Variants in MGA observed in about 807,000 individuals in gnomAD.
The protein encoded by MGA is MAX dimerization protein MGA.
A neutral mutation model predicts 261.1 loss-of-function variants in MGA; 40 were observed. The ratio of observed to expected loss-of-function variants is 0.15; its 90% CI spans 0.12 to 0.20. The LOEUF (loss-of-function observed/expected upper bound fraction) is 0.20. Among genes scored for constraint, MGA ranks in the 10% least tolerant of loss-of-function variants. The pLI, the probability that MGA is intolerant of heterozygous loss-of-function variation, is 1.00. For synonymous variants in MGA, 1,302 were observed against 1,290.6 expected (o/e 1.01, Z -0.19); for missense variants, 3,397 against 3,630.5 (o/e 0.94, Z 1.65).
intron 2 of MGA, among the ~76,000 whole-genome samples, chr15:41,681,846 A>T (rs969773165): frequency 6.6e-6 from 1 of 152,096 alleles, no homozygotes; most frequent in African/African-American, 2.4e-5. Flanking sequence ...TTTGTTTTGT[A>T]GTAGTTAATT....
chr15:41,633,705 G>C (rs1030988794), intron 1 of MGA, among the ~76,000 whole-genome samples: 27 of 152,146 alleles, frequency 1.8e-4, no homozygotes, highest in Admixed American at 1.2e-3. Flanking sequence ...TTACAGGTGT[G>C]AGCCACTGTG....
intron 14 of MGA, 86 bp from the exon 15 acceptor site, chr15:41,742,460 T>C: frequency 6.7e-7 from 1 of 1,483,628 alleles, no homozygotes; most frequent in South Asian, 1.3e-5. Context: ...GACCCAGTAG[T>C]GCACAGTAAA....
intron 1 of MGA, among the ~76,000 whole-genome samples, chr15:41,623,650 C>T (rs746984106): frequency 9.3e-5 from 14 of 150,652 alleles, no homozygotes; most frequent in East Asian, 3.9e-4. Context: ...ATGCTTGAAC[C>T]GGGGAGGCGG....
At chr15:41,660,833 CT>C (rs2057351214) in intron 1 of MGA, among the ~76,000 whole-genome samples, 1 of 152,176 alleles carries the variant, frequency 6.6e-6, no homozygotes, top group Non-Finnish European at 1.5e-5. Flanking sequence ...GCGCCCATGG[CT>C]CGGCCCTGCC....
chr15:41,740,325 T>G, intron 14 of MGA, 122 bp downstream of exon 14: 1 of 1,119,538 alleles, frequency 8.9e-7, no homozygotes, highest in African/African-American at 1.6e-5. Flanking sequence ...TTATTCTTGT[T>G]GTCTGTCTTG....
In MGA at chr15:41,767,360, T is replaced by C. The variant is rs2063852511; in HGVS notation, c.*80T>C. On this transcript the variant is annotated 3_prime_UTR_variant, in exon 24 of 24. Transcript: ENST00000219905. ...CTTTCTCTGCAGGCATCTGTTTGTT[T>C]GTGTCTTAGAACTTGGATCCTTGAC... 1 of 1,451,054 alleles carries C rather than the reference T, an allele frequency of 6.9e-7. No individual in the cohort carries two copies. The highest frequency in any genetic ancestry group is 1.4e-5 in the African/African-American group (1 of 70,978). 89.9% of individuals were successfully genotyped at this position (1,451,054 alleles called of 1,614,324 possible).
At position 41,713,353 on chromosome 15, in the gene MGA, C is replaced by T. The variant is rs1456297280; in HGVS notation, c.3287C>T (p.Thr1096Ile). 1.2e-6 allele frequency: 2 copies of T among 1,613,786 alleles called. No individual in the cohort carries two copies. The highest frequency in any genetic ancestry group is 2.2e-5 in the South Asian group (2 of 91,078). Residue 1096 changes from threonine to isoleucine, a missense_variant, in exon 9 of 24, where the codon ACT (threonine) becomes ATT (isoleucine). Physicochemically the swap from Thr to Ile is moderately conservative, Grantham distance 89. This residue lies in a region of MGA where 519 missense variants were observed against 554.1 expected (regional missense o/e 0.94). Coordinates refer to ENST00000219905, the MANE Select transcript of MGA (RefSeq NM_001164273.2). ...GTACTTGTTAAAGGAGGATCCAAAA[C>T]TAAGCATTTTCAGAGGAAGGCTGCT...
Position 41,710,788 on chromosome 15 carries a change from C to G in MGA, c.2523C>G (p.Ser841Arg). ...ATGAAGGCAAGCTGATGGAAACAAG[C>G]ATGGGTTTTTCTTCTAATGCTCCCA... Residue 841 changes from serine (S) to arginine (R), a missense_variant, in exon 8 of 24, where the codon AGC (serine) becomes AGG (arginine). Ser to Arg is a moderately radical substitution (Grantham distance 110). Transcript: ENST00000219905. 1 of 1,613,906 alleles carries G rather than the reference C, an allele frequency of 6.2e-7. No individual in the cohort carries two copies. The highest frequency in any genetic ancestry group is 8.5e-7 in the Non-Finnish European group (1 of 1,179,830).
chr15:41,696,593 A>G lies in MGA; in HGVS notation c.1583A>G (p.Asn528Ser). 1.9e-6 allele frequency: 3 copies of G among 1,613,960 alleles called. No homozygotes were observed. The highest frequency in any genetic ancestry group is 2.5e-6 in the Non-Finnish European group (3 of 1,179,864). The change falls in exon 3 of 24, where the codon AAT (asparagine) becomes AGT (serine). Residue 528 changes from asparagine to serine, a missense_variant. Asn to Ser is a conservative substitution (Grantham distance 46). This residue lies in a region of MGA where 563 missense variants were observed against 563.6 expected (regional missense o/e 1.00). Transcript: ENST00000219905. ...TTCTGCTTAGGCAAGGAATCAGAAA[A>G]TGGTCTTAGAAAACATTCACCAGAT...
At chr15:41,630,340 T>G (rs2056561376) in intron 1 of MGA, among the ~76,000 whole-genome samples, 1 of 152,216 alleles carries the variant, frequency 6.6e-6, no homozygotes. Flanking sequence ...CTTCAATTTA[T>G]AGCAAAATAC....
At chr15:41,749,000 T>G in intron 16 of MGA, 73 bp downstream of exon 16, 2 of 1,552,688 alleles carry the variant, frequency 1.3e-6, no homozygotes, top group Non-Finnish European at 1.7e-6. Flanking sequence ...TACACCAAGA[T>G]TGTTTTTCTT....
At chr15:41,649,379 CAA>C (rs35806439) in intron 1 of MGA, among the ~76,000 whole-genome samples, 37,102 of 136,134 alleles carry the variant, frequency 0.27, 4,830 homozygotes, top group Middle Eastern at 0.43. Context: ...GAGACTGTCT[CAA>C]AAAAAAAAAA....
Position 41,756,559 on chromosome 15 carries a change from G to A in MGA, c.7140-1229G>A, listed in dbSNP as rs111923500. 2.9e-3 allele frequency among the ~76,000 whole-genome samples: 444 copies of A among 152,176 alleles called. 2 individuals carry two copies. The highest frequency in any genetic ancestry group is 5.0e-3 in the Non-Finnish European group (337 of 68,014). On this transcript the variant is annotated intron_variant, in intron 18 of 23. Transcript: ENST00000219905. ...TGCCCCAGAAAAATTTTCACAAGGG[G>A]TCGTGTATGGGACTGTCCATTGCAG...
intron 18 of MGA, among the ~76,000 whole-genome samples, chr15:41,757,577 A>C (rs1054789758): frequency 6.6e-6 from 1 of 152,216 alleles, no homozygotes; most frequent in African/African-American, 2.4e-5. Context: ...TATATTAAAT[A>C]TTTCATGATT....
Position 41,750,419 on chromosome 15 carries a change from AG to A in MGA, c.6815del (p.Gly2272ValfsTer63). 6.2e-7 allele frequency: 1 copy of A among 1,613,602 alleles called. No homozygotes were observed. On this transcript the variant is annotated frameshift_variant, in exon 17 of 24. Coordinates refer to ENST00000219905, the MANE Select transcript of MGA (RefSeq NM_001164273.2). LOFTEE classifies it high-confidence loss of function. ...AGCAGCAGAGGGAATGGACATTTTC[AG>A]GGTCACTTACTGCTACCTGGAGAAC...
chr15:41,690,325 T>C (rs544622455), intron 2 of MGA, among the ~76,000 whole-genome samples: 1 of 152,248 alleles, frequency 6.6e-6, no homozygotes, highest in African/African-American at 2.4e-5. Context: ...ACATTTTTTT[T>C]ATTCATCAGT....
chr15:41,627,024 A>C (rs1338080903), intron 1 of MGA, among the ~76,000 whole-genome samples: 1 of 151,942 alleles, frequency 6.6e-6, no homozygotes, highest in African/African-American at 2.4e-5. Flanking sequence ...CTCGTGTCTC[A>C]GCCACCCAAG....
intron 10 of MGA, among the ~76,000 whole-genome samples, chr15:41,728,544 GAA>G (rs1372446430): frequency 3.9e-5 from 6 of 152,092 alleles, no homozygotes; most frequent in Non-Finnish European, 1.5e-5. Context: ...CTATAGAAAA[GAA>G]AATGTTACTA....
chr15:41,690,251 A>T (rs573428449), intron 2 of MGA, among the ~76,000 whole-genome samples: 1 of 152,310 alleles, frequency 6.6e-6, no homozygotes, highest in South Asian at 2.1e-4. Context: ...AGGTTCATCC[A>T]TGTGTAGCAT....
Sources: allele counts gnomAD v4.1 joint callset (sites outside exome capture counted in the v4.1 genomes callset), GRCh38; gene constraint gnomAD v4.1.1; regional missense constraint gnomAD v4.1.1; transcripts MANE v1.5; gene names NCBI Gene and HGNC (gene_info 2026-07-23, HGNC 2026-07-21).